Variants in ADGRD1 observed in about 807,000 individuals in gnomAD.
ADGRD1 encodes the protein adhesion G protein-coupled receptor D1.
Under a neutral mutation model 113.4 loss-of-function variants are expected in ADGRD1, and 77 were observed. That is an observed-to-expected ratio of 0.68 (90% CI 0.57 to 0.82). ADGRD1 has a LOEUF of 0.82. ADGRD1 is among the 40% of genes least tolerant of loss of function. ADGRD1 has a pLI of 0.00. For synonymous variants in ADGRD1, 474 were observed against 475.0 expected, an observed-to-expected ratio of 1.00 and a Z score of 0.03; for missense variants, 1,036 against 1,139.1, an observed-to-expected ratio of 0.91 and a Z score of 1.30.
intron 19 of ADGRD1, among the ~76,000 whole-genome samples, chr12:131,118,821 C>T (rs1264636755): frequency 3.3e-5 from 5 of 152,312 alleles, no homozygotes; most frequent in African/African-American, 2.4e-5. Context: ...GGCCAGCAAG[C>T]GCACTGTGCA....
intron 13 of ADGRD1, among the ~76,000 whole-genome samples, chr12:131,030,996 G>T (rs34545964): frequency 0.076 from 11,632 of 152,194 alleles, 611 homozygotes; most frequent in Middle Eastern, 0.12. Context: ...CACAGCCAGG[G>T]CCCCCACCGA....
chr12:130,986,195 G>A (rs750481051), intron 5 of ADGRD1, among the ~76,000 whole-genome samples: 4 of 152,154 alleles, frequency 2.6e-5, no homozygotes, highest in Non-Finnish European at 5.9e-5. Flanking sequence ...ATAACTTGAT[G>A]AGATTTTTAT....
At chr12:131,137,084 A>C (rs1176765990) in intron 23 of ADGRD1, 70 bp downstream of exon 23, 9 of 1,220,490 alleles carry the variant, frequency 7.4e-6, no homozygotes, top group Middle Eastern at 1.9e-4. Context: ...TCACAGGAGC[A>C]GGAACAGCGC....
At position 131,027,898 on chromosome 12, in the gene ADGRD1, G is replaced by A. The variant is rs1880153344; in HGVS notation, c.1473+13558G>A. On this transcript the variant is annotated intron_variant, in intron 13 of 24. Coordinates refer to ENST00000261654, the MANE Select transcript of ADGRD1 (RefSeq NM_198827.5). The surrounding 1 kb of genome is among the most constrained non-coding windows in gnomAD (Gnocchi z 5.1). ...AGAAGCAGCACACGGCCAGCACCAT[G>A]GAATGCCTTTTCCAGACGCCAGCAG... 6.6e-6 allele frequency: 1 copy of A among 152,256 alleles called. No individual in the cohort carries two copies. Among genetic ancestry groups the A allele is most frequent in the Admixed American group, 6.5e-5 (1 of 15,286 alleles). The allele number at this position is 152,256 out of a possible 1,614,324, so 9.4% of individuals were successfully genotyped here. A position where few individuals can be genotyped will look rare whatever the true frequency, so the allele number is the denominator to read the frequency against.
Position 131,008,793 on chromosome 12 carries a change from G to A in ADGRD1, c.1331+2746G>A, listed in dbSNP as rs12304731. 3.3e-5 allele frequency among the ~76,000 whole-genome samples: 5 copies of A among 152,298 alleles called. No homozygotes were observed. In the South Asian group the frequency reaches 1.0e-3, roughly 32 times the overall value. ...CGGGGCTGAGACTGGCCTGCTCCCA[G>A]TCCTCCTGTGAAGATGGAAGCCACA... On this transcript the variant is annotated intron_variant, in intron 12 of 24. Coordinates refer to ENST00000261654, the MANE Select transcript of ADGRD1 (RefSeq NM_198827.5).
intron 15 of ADGRD1, among the ~76,000 whole-genome samples, chr12:131,089,915 C>T (rs1458499984): frequency 1.3e-5 from 2 of 152,246 alleles, no homozygotes; most frequent in Non-Finnish European, 2.9e-5. Context: ...CCTCTGGATC[C>T]TCTATAGGCT....
intron 13 of ADGRD1, chr12:131,069,301 A>G (rs1240070265): frequency 6.6e-6 from 1 of 152,206 alleles, no homozygotes. Context: ...ACCTGTGCTG[A>G]GTAACATGGT....
At chr12:131,047,621 G>A (rs765036134) in intron 13 of ADGRD1, among the ~76,000 whole-genome samples, 13 of 152,192 alleles carry the variant, frequency 8.5e-5, no homozygotes, top group Non-Finnish European at 1.6e-4. Context: ...GGCTGGGGCT[G>A]GGACTCTCCT....
intron 6 of ADGRD1, chr12:130,988,144 G>A (rs932201790): frequency 8.7e-5 from 13 of 149,204 alleles, no homozygotes; most frequent in African/African-American, 3.2e-4. Context: ...TCTGTTAAAT[G>A]GATAAAAATA....
chr12:131,097,371 C>T (rs907859670), intron 15 of ADGRD1, among the ~76,000 whole-genome samples: 19 of 151,264 alleles, frequency 1.3e-4, no homozygotes, highest in African/African-American at 3.2e-4. Context: ...GCTGGGTCCT[C>T]GGGGAAGATC....
At position 131,050,691 on chromosome 12, in the gene ADGRD1, C is replaced by T. The variant is rs376061096; in HGVS notation, c.1474-26110C>T. ...GCCAAGAGGGATGGTGTTAAGCCAGCGGTCCCCAGACATTTTGGCACCAGG... is the reference window on the plus strand; with the variant it reads ...GCCAAGAGGGATGGTGTTAAGCCAGTGGTCCCCAGACATTTTGGCACCAGG... On this transcript the variant is annotated intron_variant, in intron 13 of 24. Coordinates refer to ENST00000261654, the MANE Select transcript of ADGRD1 (RefSeq NM_198827.5). This position sits in a 1 kb window ranked among gnomAD's most constrained non-coding sequence, Gnocchi z 4.8. Among the ~76,000 whole-genome samples the T allele has an allele frequency of 2.2e-3, 338 of 152,192 alleles. No individual in the cohort carries two copies. The highest frequency in any genetic ancestry group is 7.5e-3 in the African/African-American group (311 of 41,528).
intron 13 of ADGRD1, among the ~76,000 whole-genome samples, chr12:131,042,721 A>G (rs1458079675): frequency 4.0e-5 from 6 of 151,810 alleles, no homozygotes; most frequent in Admixed American, 1.3e-4. Flanking sequence ...GGGGACGCCG[A>G]CCTCCAACCC....
intron 14 of ADGRD1, among the ~76,000 whole-genome samples, chr12:131,083,932 G>A (rs1327494469): frequency 6.6e-6 from 1 of 152,194 alleles, no homozygotes; most frequent in Non-Finnish European, 1.5e-5. Flanking sequence ...TCATAGCTGT[G>A]TTCGTGGGAA....
chr12:131,108,392 C>A (rs556572361), intron 17 of ADGRD1, among the ~76,000 whole-genome samples: 3 of 152,226 alleles, frequency 2.0e-5, no homozygotes, highest in African/African-American at 7.2e-5. Context: ...CAGAATCCAC[C>A]CTGATTGGAC....
rs1254735303 is a variant in ADGRD1, at chr12:130,954,725, A to G, written c.103+65A>G. On this transcript the variant is annotated intron_variant, in intron 2 of 24. Transcript: ENST00000261654. The surrounding 1 kb of genome is among the most constrained non-coding windows in gnomAD (Gnocchi z 4.7). ...CCTGCCTAGTGCAGGTATCTCAGGA[A>G]CAGCCCACTTGTTCATCTCTGAGGC... is the stretch of plus-strand genomic sequence containing the variant. The G allele has an allele frequency of 2.0e-6, 3 of 1,476,196 alleles. No homozygotes were observed. The highest frequency in any genetic ancestry group is 2.8e-6 in the Non-Finnish European group (3 of 1,056,076). 91.4% of individuals were successfully genotyped at this position (1,476,196 alleles called of 1,614,324 possible).
intron 20 of ADGRD1, among the ~76,000 whole-genome samples, chr12:131,123,340 C>T (rs1008936492): frequency 9.9e-5 from 15 of 151,734 alleles, no homozygotes; most frequent in Middle Eastern, 3.4e-3. Flanking sequence ...CCACTGCGCC[C>T]GGCCCTGGGA....
At chr12:131,011,397 A>G (rs546818470) in intron 12 of ADGRD1, among the ~76,000 whole-genome samples, 2 of 151,762 alleles carry the variant, frequency 1.3e-5, no homozygotes, top group African/African-American at 4.8e-5. Flanking sequence ...GAAGGTTCTC[A>G]CTTAATGTTT....
chr12:131,046,089 C>A (rs1050394123), intron 13 of ADGRD1, among the ~76,000 whole-genome samples: 4 of 150,150 alleles, frequency 2.7e-5, no homozygotes, highest in Admixed American at 2.7e-4. Flanking sequence ...AGCGTCCTCC[C>A]TGGTCAATGC....
chr12:131,045,130 TC>T (rs1160255599), intron 13 of ADGRD1, among the ~76,000 whole-genome samples: 1 of 152,198 alleles, frequency 6.6e-6, no homozygotes, highest in Non-Finnish European at 1.5e-5. Context: ...GGCACACGCC[TC>T]CCACACCACC....
Sources: gnomAD v4.1 joint callset for allele counts (sites outside exome capture counted in the v4.1 genomes callset) on GRCh38, gnomAD v4.1.1 for gene constraint, Gnocchi (gnomAD v3.1) non-coding constraint, MANE v1.5 for transcripts, NCBI Gene and HGNC (gene_info 2026-07-23, HGNC 2026-07-21) for gene names.